Variants in IL1RAPL1 observed in about 807,000 individuals in gnomAD.
IL1RAPL1 encodes interleukin-1 receptor accessory protein-like 1.
IL1RAPL1 carries 3 observed loss-of-function variants against 48.4 expected under a neutral mutation model. The observed-to-expected ratio is 0.06, with a 90% CI of 0.03 to 0.16. IL1RAPL1 has a LOEUF of 0.16. IL1RAPL1 is among the 10% of genes least tolerant of loss of function. IL1RAPL1 has a pLI of 1.00. For synonymous variants in IL1RAPL1, 185 were observed against 187.7 expected (o/e 0.99, Z 0.12); for missense variants, 349 against 530.6 (o/e 0.66, Z 3.36).
intron 2 of IL1RAPL1, among the ~76,000 whole-genome samples, chrX:28,902,996 A>G (rs1161069690): frequency 8.9e-6 from 1 of 112,216 alleles, no homozygotes; most frequent in Non-Finnish European, 1.9e-5. Flanking sequence ...ATTGGCTTCC[A>G]TGAAACTGAT....
At chrX:29,265,464 T>A (rs181208204) in intron 2 of IL1RAPL1, among the ~76,000 whole-genome samples, 250 of 109,688 alleles carry the variant, frequency 2.3e-3, no homozygotes, top group African/African-American at 8.0e-3. Flanking sequence ...TCTTTTTTTT[T>A]ATTTTTTTAT....
At chrX:29,435,047 A>G (rs1423711400) in intron 5 of IL1RAPL1, among the ~76,000 whole-genome samples, 2 of 111,185 alleles carry the variant, frequency 1.8e-5, no homozygotes, top group Non-Finnish European at 3.8e-5. Flanking sequence ...ATGTAAACAG[A>G]ATTATACAAT....
At chrX:29,367,994 T>C (rs1226785041) in intron 3 of IL1RAPL1, among the ~76,000 whole-genome samples, 2 of 111,022 alleles carry the variant, frequency 1.8e-5, no homozygotes, top group Non-Finnish European at 3.8e-5. Flanking sequence ...TACATATATA[T>C]GTGTATATAT....
intron 5 of IL1RAPL1, among the ~76,000 whole-genome samples, chrX:29,454,442 A>G (rs1049554543): frequency 8.9e-6 from 1 of 111,782 alleles, no homozygotes; most frequent in Admixed American, 9.6e-5. Context: ...TGGGATCTCC[A>G]AACTGACCAG....
At chrX:29,218,973 G>A (rs1930926298) in intron 2 of IL1RAPL1, among the ~76,000 whole-genome samples, 1 of 112,274 alleles carries the variant, frequency 8.9e-6, no homozygotes, top group Admixed American at 9.4e-5. Context: ...GAGAAGACAC[G>A]AAATCACTTT....
At chrX:28,959,603 T>A (rs1436069932) in intron 2 of IL1RAPL1, among the ~76,000 whole-genome samples, 3 of 112,083 alleles carry the variant, frequency 2.7e-5, no homozygotes, top group African/African-American at 9.7e-5. Flanking sequence ...AATATGTTTC[T>A]CTTATGTAGA....
At chrX:28,890,965 A>T (rs1295707234) in intron 2 of IL1RAPL1, among the ~76,000 whole-genome samples, 1 of 112,543 alleles carries the variant, frequency 8.9e-6, no homozygotes, top group Non-Finnish European at 1.9e-5. Flanking sequence ...AGTATTCATT[A>T]AGGGTGTGGT....
intron 1 of IL1RAPL1, among the ~76,000 whole-genome samples, chrX:28,784,186 C>T (rs1936451288): frequency 9.0e-6 from 1 of 111,695 alleles, no homozygotes; most frequent in African/African-American, 3.3e-5. Flanking sequence ...TATCCTCTCC[C>T]CAGGAAATCT....
At chrX:29,464,864 G>A (rs1934844505) in intron 5 of IL1RAPL1, among the ~76,000 whole-genome samples, 1 of 111,549 alleles carries the variant, frequency 9.0e-6, no homozygotes, top group Admixed American at 9.5e-5. Flanking sequence ...TCACTTATAA[G>A]TGGGAGCTAA....
intron 1 of IL1RAPL1, among the ~76,000 whole-genome samples, chrX:28,750,110 C>G (rs1936024547): frequency 1.8e-5 from 2 of 108,638 alleles, no homozygotes. Flanking sequence ...GTGTCACCAC[C>G]CCTGGCTAAT....
intron 5 of IL1RAPL1, among the ~76,000 whole-genome samples, chrX:29,582,194 A>G (rs935724309): frequency 2.7e-5 from 3 of 111,217 alleles, no homozygotes; most frequent in African/African-American, 9.8e-5. Flanking sequence ...TCATTATTAC[A>G]TAATCCTAAA....
At chrX:29,923,668 A>C (rs73631672) in intron 8 of IL1RAPL1, among the ~76,000 whole-genome samples, 17,911 of 111,819 alleles carry the variant, frequency 0.16, 1,107 homozygotes, top group Middle Eastern at 0.2. Flanking sequence ...GAGTCTTTGA[A>C]TCTTTTACCC....
At chrX:29,104,583 C>G (rs1928410919) in intron 2 of IL1RAPL1, among the ~76,000 whole-genome samples, 1 of 110,387 alleles carries the variant, frequency 9.1e-6, no homozygotes, top group Non-Finnish European at 1.9e-5. Context: ...CTACACTAAG[C>G]AATAATTTAT....
intron 6 of IL1RAPL1, among the ~76,000 whole-genome samples, chrX:29,904,442 G>C (rs1601875302): frequency 2.7e-5 from 3 of 110,926 alleles, no homozygotes; most frequent in Non-Finnish European, 5.7e-5. Flanking sequence ...GTGCCATGGT[G>C]GTTTGCTGCA....
Position 28,985,723 on chromosome X carries a change from G to T in IL1RAPL1, c.82+196298G>T, listed in dbSNP as rs776272656. Among the ~76,000 whole-genome samples the T allele has an allele frequency of 8.2e-3, 836 of 101,512 alleles. 13 individuals are homozygous for T. The highest frequency in any genetic ancestry group is 0.03 in the African/African-American group (799 of 26,853). 88.2% of individuals were successfully genotyped at this position (101,512 alleles called of 115,157 possible). ...CGCCCAGGCTGGAGTGCATTGGCGC[G>T]ATCTCGGCTCACTACAAGCTCCGCC... On this transcript the variant is annotated intron_variant, in intron 2 of 10. Transcript: ENST00000378993.
chrX:28,771,350 A>G (rs1411868034), intron 1 of IL1RAPL1, among the ~76,000 whole-genome samples: 2 of 112,637 alleles, frequency 1.8e-5, no homozygotes, highest in Middle Eastern at 4.6e-3. Context: ...CTAATAAGCA[A>G]TGTCTTTAGG....
At chrX:29,387,679 G>T (rs773340029) in intron 3 of IL1RAPL1, among the ~76,000 whole-genome samples, 1 of 111,889 alleles carries the variant, frequency 8.9e-6, no homozygotes, top group Non-Finnish European at 1.9e-5. Context: ...TCTGTTTGCC[G>T]TATATGCTAT....
intron 6 of IL1RAPL1, among the ~76,000 whole-genome samples, chrX:29,905,058 C>T (rs757920034): frequency 3.6e-5 from 4 of 112,069 alleles, no homozygotes; most frequent in African/African-American, 6.5e-5. Context: ...ACTTAATAAT[C>T]GCCATTCTGA....
At chrX:29,681,512 A>C (rs771541197) in intron 6 of IL1RAPL1, among the ~76,000 whole-genome samples, 46 of 112,267 alleles carry the variant, frequency 4.1e-4, no homozygotes, top group Non-Finnish European at 7.5e-4. Context: ...AAAAGTAGCT[A>C]TGTCTATTTT....
Sources: allele counts gnomAD v4.1 joint callset (sites outside exome capture counted in the v4.1 genomes callset), GRCh38; gene constraint gnomAD v4.1.1; transcripts MANE v1.5; gene names NCBI Gene and HGNC (gene_info 2026-07-23, HGNC 2026-07-21).